Variants in LRRK1 observed in about 807,000 individuals in gnomAD.
The protein encoded by LRRK1 is leucine rich repeat kinase 1, also known as leucine-rich repeat serine/threonine-protein kinase 1.
LRRK1 carries 113 observed loss-of-function variants against 209.1 expected under a neutral mutation model. That is an observed-to-expected ratio of 0.54 (90% confidence interval 0.46 to 0.63). The LOEUF (loss-of-function observed/expected upper bound fraction) is 0.63. LRRK1 is among the 30% of genes least tolerant of loss of function. The pLI is 0.00. For synonymous variants in LRRK1, 1,144 were observed against 1,099.7 expected (o/e 1.04, Z -0.80); for missense variants, 2,284 against 2,632.2 (o/e 0.87, Z 2.89).
chr15:100,960,321 T>C (rs2042852526), intron 2 of LRRK1, among the ~76,000 whole-genome samples: 1 of 131,330 alleles, frequency 7.6e-6, no homozygotes, highest in African/African-American at 2.8e-5. Flanking sequence ...TGTGTAGAAC[T>C]ATTCTTTTGG....
intron 2 of LRRK1, among the ~76,000 whole-genome samples, chr15:100,927,312 A>G (rs577847952): frequency 1.9e-4 from 29 of 152,300 alleles, no homozygotes; most frequent in African/African-American, 7.0e-4. Context: ...CCGAAAGGCC[A>G]AAGTGTGGCA....
chr15:100,997,756 G>A (rs1221427710), intron 6 of LRRK1, among the ~76,000 whole-genome samples: 3 of 152,208 alleles, frequency 2.0e-5, no homozygotes, highest in African/African-American at 7.2e-5. Context: ...TTCTCCCAGT[G>A]AACTGTTCTG....
chr15:101,059,429 C>T (rs751861881), intron 29 of LRRK1, among the ~76,000 whole-genome samples: 15 of 149,722 alleles, frequency 1.0e-4, no homozygotes, highest in East Asian at 5.8e-4. Context: ...CAAAACACAG[C>T]GATGGAGCAC....
chr15:101,058,227 C>T (rs2035928996), intron 29 of LRRK1, 86 bp downstream of exon 29: 5 of 1,373,008 alleles, frequency 3.6e-6, no homozygotes, highest in South Asian at 1.3e-5. Context: ...ATGTTGACCA[C>T]AGTGAGAATT....
In LRRK1 at chr15:100,965,181, C is replaced by A. The variant is rs576764994; in HGVS notation, c.98-8623C>A. 5.8e-4 allele frequency among the ~76,000 whole-genome samples: 88 copies of A among 152,200 alleles called. 1 individual carries two copies. In the South Asian group the frequency reaches 0.017, roughly 30 times the overall value. ...GAATACTGAAAAAGAAAAATAATTTCTGTTAGTTTTTCTGTAATTAGAATA... is the reference window on the plus strand; with the variant it reads ...GAATACTGAAAAAGAAAAATAATTTATGTTAGTTTTTCTGTAATTAGAATA... On this transcript the variant is annotated intron_variant, in intron 2 of 33. Coordinates refer to ENST00000388948, the MANE Select transcript of LRRK1 (RefSeq NM_024652.6).
Position 100,924,686 on chromosome 15 carries a change from G to T in LRRK1, c.54G>T (p.Glu18Asp), listed in dbSNP as rs1397828747. ...PPSMYWCVGP[E>D]ESAVCPERAM... ...GCATGTACTGGTGTGTGGGGCCGGA[G>T]GAGTCAGCTGTGTGTCCAGAACGTG... The change falls in exon 2 of 34, where the codon GAG becomes GAT. Residue 18 changes from glutamate (E) to aspartate (D), a missense_variant. This residue lies in a region of LRRK1 where 174 missense variants were observed against 133.5 expected (regional missense o/e 1.30). Transcript: ENST00000388948. 2 of 1,614,202 alleles carry T rather than the reference G, an allele frequency of 1.2e-6. No homozygotes were observed. The highest frequency in any genetic ancestry group is 3.3e-5 in the Admixed American group (2 of 60,030).
intron 24 of LRRK1, 69 bp downstream of exon 24, chr15:101,052,029 C>T (rs1271818542): frequency 2.5e-5 from 38 of 1,548,800 alleles, no homozygotes; most frequent in Admixed American, 7.1e-5. Flanking sequence ...GTGCAGTTGC[C>T]GAGTGATCTC....
At chr15:101,012,753 A>G (rs2033327592) in intron 10 of LRRK1, among the ~76,000 whole-genome samples, 2 of 152,030 alleles carry the variant, frequency 1.3e-5, no homozygotes, top group Non-Finnish European at 2.9e-5. Context: ...GGCGACCCCC[A>G]CAAGGCAGCG....
intron 29 of LRRK1, 67 bp from the exon 30 acceptor site, chr15:101,061,104 C>T: frequency 8.1e-7 from 1 of 1,233,418 alleles, no homozygotes; most frequent in South Asian, 1.2e-5. Flanking sequence ...GCTGGCAGGC[C>T]AGGCTCAGGG....
Position 100,973,936 on chromosome 15 carries a change from C to G in LRRK1, c.230C>G (p.Ala77Gly), listed in dbSNP as rs893166977. The G allele has an allele frequency of 1.4e-5, 18 of 1,259,442 alleles. No individual in the cohort carries two copies. The highest frequency in any genetic ancestry group is 1.6e-5 in the Non-Finnish European group (16 of 996,646). The allele number at this position is 1,259,442 out of a possible 1,614,324, so 78.0% of individuals were successfully genotyped here. Residue 77 changes from alanine to glycine, a missense_variant, in exon 3 of 34, where the codon GCC becomes GGC. This residue lies in a region of LRRK1 where 174 missense variants were observed against 133.5 expected (regional missense o/e 1.30). Transcript: ENST00000388948. ...RGGARDLLEE[A>G]CDQCASQLEK... Reference sequence around the variant, plus strand: ...GGCGCCCGGGACCTGCTGGAGGAGGCCTGCGACCAGTGCGCGTCCCAGCTG... The same window carrying G: ...GGCGCCCGGGACCTGCTGGAGGAGGGCTGCGACCAGTGCGCGTCCCAGCTG...
At chr15:101,047,512 C>A (rs1178111564) in intron 21 of LRRK1, among the ~76,000 whole-genome samples, 2 of 152,234 alleles carry the variant, frequency 1.3e-5, no homozygotes, top group African/African-American at 4.8e-5. Context: ...GGCGCCCTTC[C>A]GGGCAGCAGC....
In LRRK1 at chr15:101,071,552, G is replaced by C. The variant is rs570564595; in HGVS notation, c.*2704G>C. 1.3e-5 allele frequency: 2 copies of C among 152,124 alleles called. No homozygotes were observed. Among genetic ancestry groups the C allele is most frequent in the Admixed American group, 6.6e-5 (1 of 15,264 alleles). The allele number at this position is 152,124 out of a possible 1,614,324, so 9.4% of individuals were successfully genotyped here. On this transcript the variant is annotated 3_prime_UTR_variant, in exon 34 of 34. Transcript: ENST00000388948. ...TTACAGGCGTGCACCACAATGCCTG[G>C]ATAATTTTTGTATTTTCAGTAGAAA...
intron 31 of LRRK1, 59 bp downstream of exon 31, chr15:101,062,749 C>A: frequency 8.0e-7 from 1 of 1,246,962 alleles, no homozygotes; most frequent in Non-Finnish European, 1.2e-6. Flanking sequence ...GCCTAGGAGG[C>A]GTCTCCTAGC....
intron 20 of LRRK1, among the ~76,000 whole-genome samples, chr15:101,029,992 A>G (rs1833096124): frequency 2.0e-5 from 3 of 152,198 alleles, no homozygotes. Flanking sequence ...TCCAGGGTGG[A>G]TGGTCCGAGG....
chr15:101,052,675 A>G (rs889776167), intron 24 of LRRK1, among the ~76,000 whole-genome samples: 1 of 152,238 alleles, frequency 6.6e-6, no homozygotes, highest in African/African-American at 2.4e-5. Context: ...TGTGCCAGCC[A>G]TCACCACCTC....
Position 101,052,638 on chromosome 15 carries a change from C to T in LRRK1, c.3690-284C>T, listed in dbSNP as rs904054117. On this transcript the variant is annotated intron_variant, in intron 24 of 33. Coordinates refer to ENST00000388948, the MANE Select transcript of LRRK1 (RefSeq NM_024652.6). ...AACTTCCAAAGGGGTCCTTTCTCTA[C>T]GGCCACCACTTCTGTGGGGTTCACC... Among the ~76,000 whole-genome samples, 11 of 152,350 alleles carry T rather than the reference C, an allele frequency of 7.2e-5. No individual in the cohort carries two copies. In the South Asian group the frequency reaches 1.7e-3, roughly 23 times the overall value.
chr15:100,953,013 T>C (rs1022955971), intron 2 of LRRK1, among the ~76,000 whole-genome samples: 1 of 152,242 alleles, frequency 6.6e-6, no homozygotes, highest in Non-Finnish European at 1.5e-5. Context: ...AAATAAAAAT[T>C]ATATATTTCA....
chr15:101,068,883 C>G lies in LRRK1; in HGVS notation c.*35C>G, dbSNP rs1052613460. On this transcript the variant is annotated 3_prime_UTR_variant, in exon 34 of 34. Coordinates refer to ENST00000388948, the MANE Select transcript of LRRK1 (RefSeq NM_024652.6). ...AATGACTGTCACACATCAGAGCTGG[C>G]TGGCCCGGGGCTGCAGCCTGACCCC... The G allele has an allele frequency of 6.5e-7, 1 of 1,549,392 alleles. No individual in the cohort carries two copies. The highest frequency in any genetic ancestry group is 1.4e-5 in the African/African-American group (1 of 73,520).
intron 7 of LRRK1, 60 bp from the exon 8 acceptor site, chr15:101,010,390 T>G: frequency 6.4e-7 from 1 of 1,556,910 alleles, no homozygotes; most frequent in Non-Finnish European, 8.7e-7. Flanking sequence ...TAGAAAAATA[T>G]GTAAATTTGG....
Sources: gnomAD v4.1 joint callset for allele counts (sites outside exome capture counted in the v4.1 genomes callset) on GRCh38, gnomAD v4.1.1 for gene constraint, gnomAD v4.1.1 regional missense constraint, MANE v1.5 for transcripts, NCBI Gene and HGNC (gene_info 2026-07-23, HGNC 2026-07-21) for gene names.